The following NEXMIF variants were observed in gnomAD, a reference collection of about 807,000 sequenced individuals.
NEXMIF encodes XLMR protein related to neurite extension.
In NEXMIF, 8 loss-of-function variants were observed where a neutral mutation model predicts 62.1. The ratio of observed to expected loss-of-function variants is 0.13; its 90% confidence interval spans 0.08 to 0.23. The LOEUF (loss-of-function observed/expected upper bound fraction) is 0.23, where lower values mean the gene tolerates loss of function less well. Among genes scored for constraint, NEXMIF ranks in the 10% least tolerant of loss-of-function variants. The probability of loss-of-function intolerance (pLI) is 1.00; values close to 1 mark genes in which losing one functional copy is unlikely to be tolerated. For synonymous variants in NEXMIF, 404 were observed against 416.6 expected (o/e 0.97, Z 0.37); for missense variants, 976 against 1,113.3 (o/e 0.88, Z 1.75).
At chrX:74,833,966 C>G (rs964100194) in intron 1 of NEXMIF, among the ~76,000 whole-genome samples, 1 of 109,129 alleles carries the variant, frequency 9.2e-6, no homozygotes. Flanking sequence ...GAAACCCCAT[C>G]TCTACTAAAA....
At chrX:74,765,162 T>C (rs1267882223) in intron 1 of NEXMIF, among the ~76,000 whole-genome samples, 1 of 111,795 alleles carries the variant, frequency 8.9e-6, no homozygotes, top group Non-Finnish European at 1.9e-5. Context: ...CAATTAAACT[T>C]TGTACCATTA....
intron 1 of NEXMIF, among the ~76,000 whole-genome samples, chrX:74,862,432 G>T (rs896902269): frequency 1.4e-4 from 15 of 109,416 alleles, no homozygotes; most frequent in African/African-American, 4.7e-4. Context: ...ACAGACCATC[G>T]AGACAGAAAA....
intron 1 of NEXMIF, among the ~76,000 whole-genome samples, chrX:74,897,267 C>A (rs1231566526): frequency 8.9e-6 from 1 of 111,836 alleles, no homozygotes; most frequent in Non-Finnish European, 1.9e-5. Context: ...CTTCTCTGGG[C>A]TTTGGCTTTC....
chrX:74,741,727 T>C lies in NEXMIF; in HGVS notation c.2830A>G (p.Asn944Asp). Reference sequence around the variant, plus strand: ...GAGTCATACAGGACCTTGTTGCAATTACTGCCACCACTATTGAGACAGATT... The same window carrying C: ...GAGTCATACAGGACCTTGTTGCAATCACTGCCACCACTATTGAGACAGATT... ...NPICLNSGGS[N>D]CNKVLYDSMQ... Residue 944 changes from asparagine (N) to aspartate (D), a missense_variant, in exon 3 of 4, where the codon AAT becomes GAT. Physicochemically the swap from Asn to Asp is conservative, Grantham distance 23. Coordinates refer to ENST00000055682, the MANE Select transcript of NEXMIF (RefSeq NM_001008537.3). 2 of 1,211,278 alleles carry C rather than the reference T, an allele frequency of 1.7e-6. No individual in the cohort carries two copies. Among genetic ancestry groups the C allele is most frequent in the Non-Finnish European group, 2.2e-6 (2 of 894,934 alleles).
intron 1 of NEXMIF, among the ~76,000 whole-genome samples, chrX:74,900,462 CAA>C (rs758887978): frequency 1.2e-4 from 4 of 33,394 alleles, no homozygotes; most frequent in Non-Finnish European, 1.2e-4. Context: ...GACTCCGTCT[CAA>C]AAAAAAAAAA....
intron 1 of NEXMIF, among the ~76,000 whole-genome samples, chrX:74,795,513 T>C (rs1271004851): frequency 9.0e-6 from 1 of 111,598 alleles, no homozygotes; most frequent in Non-Finnish European, 1.9e-5. Flanking sequence ...TACTTATCAG[T>C]AGTTTCTGAA....
At chrX:74,757,421 GCTTC>G (rs2080162743) in intron 1 of NEXMIF, among the ~76,000 whole-genome samples, 1 of 111,971 alleles carries the variant, frequency 8.9e-6, no homozygotes, top group Admixed American at 9.5e-5. Context: ...TCCAAGAAAG[GCTTC>G]CCTTTTGCCA....
At chrX:74,754,087 G>A (rs1448548110) in intron 1 of NEXMIF, among the ~76,000 whole-genome samples, 1 of 109,470 alleles carries the variant, frequency 9.1e-6, no homozygotes, top group Non-Finnish European at 1.9e-5. Context: ...TCAGCCTCCC[G>A]AGTAGCTGGG....
At chrX:74,815,858 T>A (rs940198095) in intron 1 of NEXMIF, among the ~76,000 whole-genome samples, 2 of 109,969 alleles carry the variant, frequency 1.8e-5, no homozygotes, top group African/African-American at 3.3e-5. Context: ...ATGGTCTTGA[T>A]CTCCTGACCT....
chrX:74,764,763 CTT>C (rs2080189582), intron 1 of NEXMIF, among the ~76,000 whole-genome samples: 1 of 111,347 alleles, frequency 9.0e-6, no homozygotes. Flanking sequence ...TGATTGCTAT[CTT>C]TGTTGTGCTG....
At chrX:74,814,107 G>A (rs750637375) in intron 1 of NEXMIF, among the ~76,000 whole-genome samples, 2 of 111,386 alleles carry the variant, frequency 1.8e-5, no homozygotes, top group South Asian at 7.7e-4. Flanking sequence ...CAAGGAACTG[G>A]TACTGCCAGG....
rs780353709 is a variant in NEXMIF, at chrX:74,744,486, A to G, written c.80-9T>C. 8.7e-7 allele frequency: 1 copy of G among 1,153,785 alleles called. No individual in the cohort carries two copies. Among genetic ancestry groups the G allele is most frequent in the Non-Finnish European group, 1.2e-6 (1 of 862,224 alleles). On this transcript the variant is annotated splice_polypyrimidine_tract_variant and intron_variant, in intron 2 of 3. Transcript: ENST00000055682. Reference sequence around the variant, plus strand: ...ATCCTGGTCCTCTGAGTCTAGAAAAAAGGGAAAGAAATGACAGGAATAAAA... The same window carrying G: ...ATCCTGGTCCTCTGAGTCTAGAAAAGAGGGAAAGAAATGACAGGAATAAAA...
At chrX:74,842,355 T>A (rs145238983) in intron 1 of NEXMIF, among the ~76,000 whole-genome samples, 17 of 111,826 alleles carry the variant, frequency 1.5e-4, no homozygotes, top group African/African-American at 5.5e-4. Flanking sequence ...TGTGTTTATT[T>A]GTATCTTATT....
chrX:74,761,034 AT>A, intron 1 of NEXMIF, among the ~76,000 whole-genome samples: 1 of 108,599 alleles, frequency 9.2e-6, no homozygotes, highest in Middle Eastern at 4.7e-3. Flanking sequence ...CGCCCAGCTG[AT>A]TTTTTTTGTA....
At chrX:74,794,558 A>G (rs1379941447) in intron 1 of NEXMIF, among the ~76,000 whole-genome samples, 1 of 111,803 alleles carries the variant, frequency 8.9e-6, no homozygotes, top group East Asian at 2.8e-4. Context: ...GGCAATGGCG[A>G]GCGCCCCTCC....
chrX:74,871,466 T>A (rs537051374), intron 1 of NEXMIF, among the ~76,000 whole-genome samples: 7 of 111,232 alleles, frequency 6.3e-5, no homozygotes, highest in African/African-American at 2.3e-4. Context: ...GGAAACAGGG[T>A]TCGAGAGCAG....
chrX:74,872,210 G>A (rs1411888255), intron 1 of NEXMIF, among the ~76,000 whole-genome samples: 2 of 111,208 alleles, frequency 1.8e-5, no homozygotes, highest in African/African-American at 6.5e-5. Flanking sequence ...CAACAAAAAT[G>A]TGTTACATCT....
intron 1 of NEXMIF, among the ~76,000 whole-genome samples, chrX:74,845,271 A>G (rs1034476468): frequency 9.0e-6 from 1 of 111,579 alleles, no homozygotes; most frequent in Non-Finnish European, 1.9e-5. Context: ...CACACCTTGC[A>G]CTGCCACTGT....
At chrX:74,877,938 G>T (rs1240948164) in intron 1 of NEXMIF, among the ~76,000 whole-genome samples, 2 of 111,791 alleles carry the variant, frequency 1.8e-5, no homozygotes, top group African/African-American at 6.5e-5. Flanking sequence ...TGGTTTGAAT[G>T]TCCTCCCCTG....
Sources: gnomAD v4.1 joint callset for allele counts (sites outside exome capture counted in the v4.1 genomes callset) on GRCh38, gnomAD v4.1.1 for gene constraint, MANE v1.5 for transcripts, NCBI Gene and HGNC (gene_info 2026-07-23, HGNC 2026-07-21) for gene names.